The following ELP4 variants were observed in gnomAD, a reference collection of about 807,000 sequenced individuals.
ELP4 encodes elongator complex protein 4.
In ELP4, 51 loss-of-function variants were observed where a neutral mutation model predicts 48.9. The observed-to-expected ratio is 1.04, with a 90% CI of 0.83 to 1.32. ELP4 has a LOEUF of 1.32. Ranked by LOEUF, ELP4 falls within the 40% of genes most tolerant of loss-of-function variation. The pLI is 0.00. For missense variants in ELP4, 519 were observed against 514.6 expected, an observed-to-expected ratio of 1.01 and a Z score of -0.08; for synonymous variants, 210 against 189.2, an observed-to-expected ratio of 1.11 and a Z score of -0.90.
chr11:31,778,510 G>A (rs1157893315), intron 9 of ELP4, among the ~76,000 whole-genome samples: 2 of 152,168 alleles, frequency 1.3e-5, no homozygotes, highest in African/African-American at 2.4e-5. Flanking sequence ...TATACCATAT[G>A]TACTTTTATG....
At chr11:31,711,345 G>T (rs976253488) in intron 9 of ELP4, among the ~76,000 whole-genome samples, 1 of 152,114 alleles carries the variant, frequency 6.6e-6, no homozygotes, top group Non-Finnish European at 1.5e-5. Context: ...TTCAAAAGTG[G>T]TCTGACGGCT....
chr11:31,673,334 TG>T (rs1945849957), intron 9 of ELP4, among the ~76,000 whole-genome samples: 1 of 151,768 alleles, frequency 6.6e-6, no homozygotes, highest in Non-Finnish European at 1.5e-5. Flanking sequence ...TGTTTGTTTT[TG>T]TTTGTTTGTT....
chr11:31,607,849 C>T (rs540798370), intron 5 of ELP4, among the ~76,000 whole-genome samples: 26 of 152,246 alleles, frequency 1.7e-4, no homozygotes, highest in African/African-American at 5.8e-4. Context: ...GAGAACCGCT[C>T]GGTCTTTTAG....
intron 3 of ELP4, among the ~76,000 whole-genome samples, chr11:31,547,363 C>T (rs536816307): frequency 2.6e-5 from 4 of 152,016 alleles, no homozygotes; most frequent in African/African-American, 4.8e-5. Context: ...AACACCTCTA[C>T]GCAAATAAAC....
intron 4 of ELP4, among the ~76,000 whole-genome samples, chr11:31,600,791 TAAC>T (rs1253542844): frequency 6.6e-6 from 1 of 152,110 alleles, no homozygotes; most frequent in Non-Finnish European, 1.5e-5. Flanking sequence ...TAAGAAATAA[TAAC>T]AACAGTAAGA....
intron 9 of ELP4, among the ~76,000 whole-genome samples, chr11:31,697,604 A>T (rs948701349): frequency 1.5e-4 from 23 of 152,224 alleles, no homozygotes; most frequent in Non-Finnish European, 1.2e-4. Flanking sequence ...TGGAAACTTC[A>T]GGACTTTATT....
Position 31,516,649 on chromosome 11 carries a change from G to A in ELP4, c.224-3407G>A, listed in dbSNP as rs368159920. On this transcript the variant is annotated intron_variant, in intron 1 of 9. Coordinates refer to ENST00000640961, the MANE Select transcript of ELP4 (RefSeq NM_019040.5). ...TAGCTGGGACTACAGGTGGCAGCAC[G>A]CCTTGCTAATTTTTGTATTTTTTGT... Among the ~76,000 whole-genome samples the A allele has an allele frequency of 7.2e-5, 11 of 152,092 alleles. No homozygotes were observed. The East Asian group carries it at 1.2e-3, about 16-fold the overall frequency.
At chr11:31,599,519 AC>A (rs1407344826) in intron 4 of ELP4, 14 of 12,736 alleles carry the variant, frequency 1.1e-3, no homozygotes, top group African/African-American at 1.3e-3. Flanking sequence ...ACACACACAC[AC>A]ACAAAAAAAA....
intron 3 of ELP4, among the ~76,000 whole-genome samples, chr11:31,557,686 T>C (rs998855409): frequency 1.3e-5 from 2 of 152,162 alleles, no homozygotes; most frequent in Middle Eastern, 3.4e-3. Context: ...TAATAACCCT[T>C]AATTGACCAA....
chr11:31,678,843 AC>A (rs1945995196), intron 9 of ELP4, among the ~76,000 whole-genome samples: 1 of 152,134 alleles, frequency 6.6e-6, no homozygotes, highest in South Asian at 2.1e-4. Flanking sequence ...ACTGACTTCC[AC>A]AGTAGCTACA....
In ELP4 at chr11:31,592,653, A is replaced by G. The variant is rs1030217896; in HGVS notation, c.382-2117A>G. On this transcript the variant is annotated intron_variant, in intron 3 of 9. Coordinates refer to ENST00000640961, the MANE Select transcript of ELP4 (RefSeq NM_019040.5). ...AATTGATAAAGTGTATTTTCTGTACATCTTTTGAAAATGAGTGCCTTATCA... is the reference window on the plus strand; with the variant it reads ...AATTGATAAAGTGTATTTTCTGTACGTCTTTTGAAAATGAGTGCCTTATCA... 3.3e-5 allele frequency among the ~76,000 whole-genome samples: 5 copies of G among 151,586 alleles called. No homozygotes were observed. In the East Asian group the frequency reaches 9.7e-4, roughly 29 times the overall value.
intron 9 of ELP4, chr11:31,662,560 G>A: frequency 2.5e-6 from 1 of 397,852 alleles, no homozygotes; most frequent in Non-Finnish European, 4.4e-6. Context: ...GACCTGCGAA[G>A]GCAAAGATAT....
At chr11:31,556,257 T>A (rs1022753146) in intron 3 of ELP4, among the ~76,000 whole-genome samples, 1 of 151,924 alleles carries the variant, frequency 6.6e-6, no homozygotes, top group African/African-American at 2.4e-5. Context: ...CATGATGTTA[T>A]TAAAGCTTTT....
At chr11:31,765,487 TC>T (rs1237983233) in intron 9 of ELP4, among the ~76,000 whole-genome samples, 2 of 152,186 alleles carry the variant, frequency 1.3e-5, no homozygotes, top group Non-Finnish European at 2.9e-5. Flanking sequence ...ATATTTTCTA[TC>T]AGATTAACAG....
chr11:31,712,705 C>T (rs563039901), intron 9 of ELP4, among the ~76,000 whole-genome samples: 2 of 152,096 alleles, frequency 1.3e-5, no homozygotes, highest in Admixed American at 6.5e-5. Flanking sequence ...TAAAATAGCA[C>T]TGGATGCTGT....
intron 1 of ELP4, among the ~76,000 whole-genome samples, chr11:31,516,428 T>C (rs1348229286): frequency 6.6e-6 from 1 of 152,232 alleles, no homozygotes; most frequent in African/African-American, 2.4e-5. Flanking sequence ...AAATGAATTA[T>C]AACATTAGTG....
At position 31,790,097 on chromosome 11, in the gene ELP4, CAAAAAAAAAA is replaced by C. The variant is rs1171009926; in HGVS notation, c.*6587_*6596del. On this transcript the variant is annotated 3_prime_UTR_variant, in exon 10 of 10. Transcript: ENST00000640961. ...CATGGAATACAAATTTATAGGTTTA[CAAAAAAAAAA>C]AAAAAAAAAAAAACTAATACTTTCT... is the stretch of plus-strand genomic sequence containing the variant. 18 of 145,368 alleles carry C rather than the reference CAAAAAAAAAA, an allele frequency of 1.2e-4. No individual in the cohort carries two copies. Among genetic ancestry groups the C allele is most frequent in the Middle Eastern group, 2.4e-3 (1 of 420 alleles). The allele number at this position is 145,368 out of a possible 1,614,324, so 9.0% of individuals were successfully genotyped here. A position where few individuals can be genotyped will look rare whatever the true frequency, so the allele number is the denominator to read the frequency against.
chr11:31,786,508 C>CTTTTGTATG lies in ELP4; in HGVS notation c.*2986_*2987insTTGTATGTT. 4.5e-6 allele frequency: 1 copy of CTTTTGTATG among 224,180 alleles called. No homozygotes were observed. Among genetic ancestry groups the CTTTTGTATG allele is most frequent in the Non-Finnish European group, 8.9e-6 (1 of 112,420 alleles). 13.9% of individuals were successfully genotyped at this position (224,180 alleles called of 1,614,324 possible). A position where few individuals can be genotyped will look rare whatever the true frequency, so the allele number is the denominator to read the frequency against. On this transcript the variant is annotated 3_prime_UTR_variant, in exon 10 of 10. Transcript: ENST00000640961. ...AAAAAGAGAAGAATATATATTTCGC[C>CTTTTGTATG]TTGGTGAGCCAAACATACAGAGAAG...
At chr11:31,774,731 A>G (rs990378563) in intron 9 of ELP4, among the ~76,000 whole-genome samples, 1 of 152,216 alleles carries the variant, frequency 6.6e-6, no homozygotes, top group Non-Finnish European at 1.5e-5. Context: ...CCTATCTTCA[A>G]GCCACTAAGC....
Sources: allele counts gnomAD v4.1 joint callset (sites outside exome capture counted in the v4.1 genomes callset), GRCh38; gene constraint gnomAD v4.1.1; transcripts MANE v1.5; gene names NCBI Gene and HGNC (gene_info 2026-07-23, HGNC 2026-07-21).